Variants in PTPRE observed in about 807,000 individuals in gnomAD.
The protein encoded by PTPRE is receptor-type tyrosine-protein phosphatase epsilon.
In PTPRE, 51 loss-of-function variants were observed where a neutral mutation model predicts 102.0. The observed-to-expected ratio is 0.50, with a 90% CI of 0.40 to 0.63. PTPRE has a LOEUF of 0.63. Among genes scored for constraint, PTPRE ranks in the 30% least tolerant of loss-of-function variants. PTPRE has a pLI of 0.00. For synonymous variants in PTPRE, 345 were observed against 348.2 expected, an observed-to-expected ratio of 0.99 and a Z score of 0.10; for missense variants, 752 against 915.1, an observed-to-expected ratio of 0.82 and a Z score of 2.30.
intron 1 of PTPRE, among the ~76,000 whole-genome samples, chr10:127,951,644 A>G (rs1849033110): frequency 6.6e-6 from 1 of 152,352 alleles, no homozygotes; most frequent in South Asian, 2.1e-4. Flanking sequence ...AGCTGGCAGA[A>G]TCCTCACATT....
In PTPRE at chr10:127,961,289, C is replaced by T. The variant is rs180888741; in HGVS notation, c.-30-20985C>T. Among the ~76,000 whole-genome samples the T allele has an allele frequency of 6.6e-5, 10 of 152,262 alleles. No homozygotes were observed. In the East Asian group the frequency reaches 9.7e-4, roughly 15 times the overall value. On this transcript the variant is annotated intron_variant, in intron 1 of 20. Transcript: ENST00000254667. The stretch of plus-strand genomic sequence containing the variant: ...TATTTCCTATGGTTGTTGGTGACAG[C>T]GTCCCCTTTTTGGAGCAGGGTTGGC...
At chr10:127,917,316 A>C (rs926244288) in intron 1 of PTPRE, among the ~76,000 whole-genome samples, 3 of 151,806 alleles carry the variant, frequency 2.0e-5, no homozygotes, top group African/African-American at 7.3e-5. Flanking sequence ...AAGCGAAGAG[A>C]GTTTTTCAGC....
At position 128,082,946 on chromosome 10, in the gene PTPRE, T is replaced by A; in HGVS notation, c.*40T>A. The A allele has an allele frequency of 6.9e-7, 1 of 1,456,456 alleles. No individual in the cohort carries two copies. The highest frequency in any genetic ancestry group is 9.2e-7 in the Non-Finnish European group (1 of 1,092,772). 90.2% of individuals were successfully genotyped at this position (1,456,456 alleles called of 1,614,324 possible). On this transcript the variant is annotated 3_prime_UTR_variant, in exon 21 of 21. Coordinates refer to ENST00000254667, the MANE Select transcript of PTPRE (RefSeq NM_006504.6). Reference sequence around the variant, plus strand: ...AAATATTTTTTAATTTAATGGTCAGTATATTTTGTAAAAATCATGTTAATT... The same window carrying A: ...AAATATTTTTTAATTTAATGGTCAGAATATTTTGTAAAAATCATGTTAATT...
At chr10:127,954,048 T>G (rs1447400566) in intron 1 of PTPRE, among the ~76,000 whole-genome samples, 1 of 152,208 alleles carries the variant, frequency 6.6e-6, no homozygotes, top group African/African-American at 2.4e-5. Context: ...GTGTTCCATA[T>G]CAATGCCTAC....
chr10:128,035,262 A>G (rs1284117702), intron 2 of PTPRE, among the ~76,000 whole-genome samples: 3 of 147,140 alleles, frequency 2.0e-5, no homozygotes, highest in Non-Finnish European at 3.0e-5. Context: ...TTTTCTTAAA[A>G]ACATATATAT....
intron 2 of PTPRE, among the ~76,000 whole-genome samples, chr10:128,023,712 G>A (rs983208196): frequency 3.3e-5 from 5 of 152,172 alleles, no homozygotes; most frequent in Non-Finnish European, 5.9e-5. Context: ...TTAGAGCCAC[G>A]GCAGTTTCTA....
chr10:128,025,417 C>T (rs1201076542), intron 2 of PTPRE, among the ~76,000 whole-genome samples: 3 of 152,184 alleles, frequency 2.0e-5, no homozygotes, highest in African/African-American at 7.2e-5. Context: ...AAGCCTCCCA[C>T]TGGAGAGGTG....
At chr10:127,958,711 A>G (rs1363218437) in intron 1 of PTPRE, among the ~76,000 whole-genome samples, 5 of 152,212 alleles carry the variant, frequency 3.3e-5, no homozygotes, top group South Asian at 2.1e-4. Flanking sequence ...TGGGCATCAT[A>G]CAATGAGTGT....
chr10:127,912,131 C>G (rs1845909509), intron 1 of PTPRE, among the ~76,000 whole-genome samples: 1 of 152,118 alleles, frequency 6.6e-6, no homozygotes, highest in Admixed American at 6.5e-5. Context: ...TCATGGTCTG[C>G]CCTGTCCAGG....
Position 127,917,797 on chromosome 10 carries a change from A to G in PTPRE, c.-31+10488A>G, listed in dbSNP as rs74783084. Among the ~76,000 whole-genome samples, 1,552 of 152,280 alleles carry G rather than the reference A, an allele frequency of 0.01. 122 individuals carry two copies. In the East Asian group the frequency reaches 0.19, roughly 19 times the overall value. The stretch of plus-strand genomic sequence containing the variant: ...GTAATCCCAGCATTTTGTGAGGCCA[A>G]GGTAGGTGGATCACATGAGGTCAGG... On this transcript the variant is annotated intron_variant, in intron 1 of 20. Coordinates refer to ENST00000254667, the MANE Select transcript of PTPRE (RefSeq NM_006504.6).
At chr10:127,982,176 G>A (rs1851685771) in intron 1 of PTPRE, 98 bp from the exon 2 acceptor site, 3 of 679,506 alleles carry the variant, frequency 4.4e-6, no homozygotes, top group Non-Finnish European at 6.4e-6. Flanking sequence ...GCAAAAATGG[G>A]ATAGTCGACT....
At chr10:127,971,232 T>C (rs1850704681) in intron 1 of PTPRE, among the ~76,000 whole-genome samples, 1 of 152,170 alleles carries the variant, frequency 6.6e-6, no homozygotes, top group Non-Finnish European at 1.5e-5. Context: ...GAACAAATGG[T>C]TCACTTCAAA....
chr10:127,922,526 G>A (rs1339774568), intron 1 of PTPRE, among the ~76,000 whole-genome samples: 1 of 152,222 alleles, frequency 6.6e-6, no homozygotes, highest in African/African-American at 2.4e-5. Flanking sequence ...TTCTCTTCCA[G>A]GTGGGCCGGG....
chr10:127,941,003 A>AACGGCAAGCAGGGCAGGAG (rs1848205412), intron 1 of PTPRE, among the ~76,000 whole-genome samples: 1 of 152,194 alleles, frequency 6.6e-6, no homozygotes, highest in Admixed American at 6.5e-5. Context: ...TGCAGAGCAG[A>AACGGCAAGCAGGGCAGGAG]ACGGCAAGCA....
intron 1 of PTPRE, chr10:127,934,570 A>G (rs1372706000): frequency 6.6e-6 from 1 of 152,162 alleles, no homozygotes; most frequent in Non-Finnish European, 1.5e-5. Flanking sequence ...GGGCTTCGAC[A>G]CTGGACACGT....
At chr10:127,934,055 CAA>C (rs1384483740) in intron 1 of PTPRE, 2 of 132,998 alleles carry the variant, frequency 1.5e-5, no homozygotes, top group African/African-American at 5.6e-5. Context: ...CACACACACA[CAA>C]CTGGTGATTG....
intron 10 of PTPRE, among the ~76,000 whole-genome samples, chr10:128,063,663 A>G (rs1590195482): frequency 1.3e-5 from 2 of 152,258 alleles, no homozygotes; most frequent in South Asian, 2.1e-4. Context: ...AAAAGGATGC[A>G]TGTACGTTAT....
chr10:127,945,058 A>G (rs900940966), intron 1 of PTPRE, among the ~76,000 whole-genome samples: 3 of 152,184 alleles, frequency 2.0e-5, no homozygotes, highest in Non-Finnish European at 4.4e-5. Context: ...GCCTTGTGGC[A>G]TGGATCTGTT....
rs138151751 is a variant in PTPRE at position 127,927,196 on chromosome 10, C to T, written c.-31+19887C>T. Among the ~76,000 whole-genome samples the T allele has an allele frequency of 4.8e-3, 733 of 151,996 alleles. 2 individuals are homozygous for T. The highest frequency in any genetic ancestry group is 9.7e-3 in the South Asian group (47 of 4,826). ...GTACACTGGATGCCCCCCACCCCCCCGGGGGTTGGGTTCTCGCTCACCATT... is the reference window on the plus strand; with the variant it reads ...GTACACTGGATGCCCCCCACCCCCCTGGGGGTTGGGTTCTCGCTCACCATT... On this transcript the variant is annotated intron_variant, in intron 1 of 20. Coordinates refer to ENST00000254667, the MANE Select transcript of PTPRE (RefSeq NM_006504.6).
Sources: gnomAD v4.1 joint callset for allele counts (sites outside exome capture counted in the v4.1 genomes callset) on GRCh38, gnomAD v4.1.1 for gene constraint, MANE v1.5 for transcripts, NCBI Gene and HGNC (gene_info 2026-07-23, HGNC 2026-07-21) for gene names.